Variants in LIMK2 observed in about 807,000 individuals in gnomAD.
LIMK2 encodes the protein LIM domain kinase 2.
LIMK2 carries 35 observed loss-of-function variants against 75.7 expected under a neutral mutation model. The ratio of observed to expected loss-of-function variants is 0.46; its 90% confidence interval spans 0.35 to 0.61. LIMK2 has a LOEUF of 0.61. Among genes scored for constraint, LIMK2 ranks in the 20% least tolerant of loss-of-function variants. The probability of loss-of-function intolerance (pLI) is 0.00; values close to 1 mark genes in which losing one functional copy is unlikely to be tolerated. For missense variants in LIMK2, 623 were observed against 831.0 expected (o/e 0.75, Z 3.08); for synonymous variants, 301 against 319.2 (o/e 0.94, Z 0.61).
chr22:31,270,393 G>T (rs996738544), intron 11 of LIMK2, among the ~76,000 whole-genome samples: 2 of 152,196 alleles, frequency 1.3e-5, no homozygotes, highest in Admixed American at 6.5e-5. Context: ...AGGCAGGCAG[G>T]TCATGAGCTA....
chr22:31,237,072 T>A (rs2048583510), intron 2 of LIMK2, among the ~76,000 whole-genome samples: 2 of 145,350 alleles, frequency 1.4e-5, no homozygotes, highest in Non-Finnish European at 1.5e-5. Context: ...CCATCCTGGC[T>A]AACACAGTGA....
chr22:31,240,534 C>T lies in LIMK2; in HGVS notation c.116+14715C>T, dbSNP rs538392022. ...CACCTTCCGGGTTCAAGTGATTCCCCTGCCTCAGCCTCCCGAGGAGCTGTT... is the reference window on the plus strand; with the variant it reads ...CACCTTCCGGGTTCAAGTGATTCCCTTGCCTCAGCCTCCCGAGGAGCTGTT... On this transcript the variant is annotated intron_variant, in intron 2 of 15. Coordinates refer to ENST00000331728, the MANE Select transcript of LIMK2 (RefSeq NM_005569.4). Among the ~76,000 whole-genome samples the T allele has an allele frequency of 4.6e-5, 7 of 152,088 alleles. No individual in the cohort carries two copies. In the East Asian group the frequency reaches 1.4e-3, roughly 29 times the overall value.
rs372284061 is a variant in LIMK2, at chr22:31,262,551, G to A, written c.658-44G>A. 5 of 1,566,770 alleles carry A rather than the reference G, an allele frequency of 3.2e-6. No homozygotes were observed. Among genetic ancestry groups the A allele is most frequent in the South Asian group, 1.2e-5 (1 of 85,076 alleles). ...ATCTGGGTTGGCCATGGGTGGCCTG[G>A]GATGGGGCAGCCTGTGGGAGCTTTA... On this transcript the variant is annotated intron_variant, in intron 6 of 15. Transcript: ENST00000331728. This position sits in a 1 kb window ranked among gnomAD's most constrained non-coding sequence, Gnocchi z 5.0.
intron 2 of LIMK2, among the ~76,000 whole-genome samples, chr22:31,243,067 C>G (rs1012712083): frequency 6.6e-6 from 1 of 152,154 alleles, no homozygotes; most frequent in Non-Finnish European, 1.5e-5. Flanking sequence ...GGATTACGGG[C>G]ACACACCACC....
chr22:31,241,733 T>G (rs2048625390), intron 2 of LIMK2, among the ~76,000 whole-genome samples: 4 of 152,150 alleles, frequency 2.6e-5, no homozygotes, highest in Admixed American at 2.6e-4. Context: ...AAGAAACCTA[T>G]GATTCAGGAC....
At chr22:31,273,640 A>G (rs2048981364) in intron 14 of LIMK2, 133 bp downstream of exon 14, 1 of 701,968 alleles carries the variant, frequency 1.4e-6, no homozygotes, top group Non-Finnish European at 2.5e-6. Context: ...TTTATGGTTT[A>G]TAACGCATCT....
chr22:31,245,620 A>G (rs1362755279), intron 2 of LIMK2, among the ~76,000 whole-genome samples: 1 of 151,690 alleles, frequency 6.6e-6, no homozygotes, highest in Non-Finnish European at 1.5e-5. Flanking sequence ...TGATTTTTTT[A>G]GTAGAGATAG....
intron 11 of LIMK2, among the ~76,000 whole-genome samples, chr22:31,269,732 C>T (rs1214140464): frequency 6.6e-6 from 1 of 151,432 alleles, no homozygotes; most frequent in African/African-American, 2.4e-5. Context: ...CAAGATCACA[C>T]CACTGCATTC....
chr22:31,260,189 A>C, intron 5 of LIMK2, 112 bp downstream of exon 5: 39 of 877,780 alleles, frequency 4.4e-5, no homozygotes, highest in Non-Finnish European at 5.9e-5. Flanking sequence ...TTCTCATCTC[A>C]TATCTTTCTC....
At chr22:31,254,473 C>G (rs1214705795) in intron 2 of LIMK2, among the ~76,000 whole-genome samples, 1 of 152,206 alleles carries the variant, frequency 6.6e-6, no homozygotes, top group Non-Finnish European at 1.5e-5. Flanking sequence ...CTTCCAGGTC[C>G]TTTGCTTGGT....
At chr22:31,219,415 C>T (rs922734197) in intron 1 of LIMK2, among the ~76,000 whole-genome samples, 2 of 152,150 alleles carry the variant, frequency 1.3e-5, no homozygotes, top group Admixed American at 6.5e-5. Context: ...GCTCACCTTA[C>T]GTTGCACAGT....
chr22:31,273,768 G>T (rs1434028496), intron 14 of LIMK2, among the ~76,000 whole-genome samples: 1 of 152,154 alleles, frequency 6.6e-6, no homozygotes, highest in Non-Finnish European at 1.5e-5. Context: ...CACAATCTGG[G>T]CTCACTGCAA....
In LIMK2 at chr22:31,271,205, T is replaced by G. The variant is rs1381711942; in HGVS notation, c.1383+4T>G. On this transcript the variant is annotated splice_donor_region_variant and intron_variant, in intron 12 of 15. Coordinates refer to ENST00000331728, the MANE Select transcript of LIMK2 (RefSeq NM_005569.4). ...GCACAACTGCCTCATCAAGTTGGTA[T>G]GTCCCACTGCTCTGGGCCTGGCCTC... 7.4e-6 allele frequency: 12 copies of G among 1,613,474 alleles called. No individual in the cohort carries two copies. Among genetic ancestry groups the G allele is most frequent in the Non-Finnish European group, 1.0e-5 (12 of 1,179,394 alleles).
chr22:31,271,864 A>T (rs1363056233), intron 12 of LIMK2, among the ~76,000 whole-genome samples: 1 of 152,054 alleles, frequency 6.6e-6, no homozygotes. Flanking sequence ...GCCTGAAATC[A>T]TTTTAGGAAT....
Position 31,212,507 on chromosome 22 carries a change from C to T in LIMK2, c.16+83C>T, listed in dbSNP as rs1357221930. 8 of 1,280,310 alleles carry T rather than the reference C, an allele frequency of 6.2e-6. 1 individual carries two copies. Among genetic ancestry groups the T allele is most frequent in the East Asian group, 5.7e-5 (2 of 35,394 alleles). The allele number at this position is 1,280,310 out of a possible 1,614,324, so 79.3% of individuals were successfully genotyped here. A position where few individuals can be genotyped will look rare whatever the true frequency, so the allele number is the denominator to read the frequency against. ...CGCCTGAGGGAAACCGGCTGTCTCT[C>T]GGGGGTTTCGGGCTGGTTGGGTCCT... On this transcript the variant is annotated intron_variant, in intron 1 of 15. Coordinates refer to ENST00000331728, the MANE Select transcript of LIMK2 (RefSeq NM_005569.4).
At chr22:31,248,138 C>G (rs964720351) in intron 2 of LIMK2, among the ~76,000 whole-genome samples, 4 of 152,048 alleles carry the variant, frequency 2.6e-5, no homozygotes, top group Non-Finnish European at 4.4e-5. Flanking sequence ...TGTTCACACT[C>G]TATCCTGCCT....
At chr22:31,237,291 C>T (rs1199520650) in intron 2 of LIMK2, among the ~76,000 whole-genome samples, 2 of 150,638 alleles carry the variant, frequency 1.3e-5, no homozygotes, top group Admixed American at 6.6e-5. Flanking sequence ...AGGTTGGGCG[C>T]GGTGGCTCGC....
chr22:31,277,412 A>C lies in LIMK2; in HGVS notation c.1773-885A>C, dbSNP rs550114149. On this transcript the variant is annotated intron_variant, in intron 15 of 15. Coordinates refer to ENST00000331728, the MANE Select transcript of LIMK2 (RefSeq NM_005569.4). ...GCGAGGTAGGGTACGCCTTTGGTGC[A>C]GCTCAAAAAAAAAAAAAAAAATGAT... The C allele has an allele frequency of 8.9e-4, 982 of 1,100,814 alleles. 8 individuals carry two copies. The African/African-American group carries it at 0.019, about 21-fold the overall frequency. The allele number at this position is 1,100,814 out of a possible 1,614,324, so 68.2% of individuals were successfully genotyped here. A position where few individuals can be genotyped will look rare whatever the true frequency, so the allele number is the denominator to read the frequency against.
chr22:31,213,607 A>G (rs1224973765), intron 1 of LIMK2, among the ~76,000 whole-genome samples: 5 of 152,164 alleles, frequency 3.3e-5, no homozygotes, highest in Admixed American at 3.3e-4. Flanking sequence ...GGAAATGCCT[A>G]AAACAAATTT....
Sources: gnomAD v4.1 joint callset for allele counts (sites outside exome capture counted in the v4.1 genomes callset) on GRCh38, gnomAD v4.1.1 for gene constraint, Gnocchi (gnomAD v3.1) non-coding constraint, MANE v1.5 for transcripts, NCBI Gene and HGNC (gene_info 2026-07-23, HGNC 2026-07-21) for gene names.